FBXL7: variants seen among roughly 807,000 people sequenced by gnomAD.
FBXL7 encodes F-box/LRR-repeat protein 7.
Under a neutral mutation model 38.3 loss-of-function variants are expected in FBXL7, and 12 were observed. The observed-to-expected ratio is 0.31, with a 90% CI of 0.20 to 0.51. The LOEUF (loss-of-function observed/expected upper bound fraction) is 0.51, where lower values mean the gene tolerates loss of function less well. FBXL7 is among the 20% of genes least tolerant of loss of function. FBXL7 has a pLI of 0.98. For synonymous variants in FBXL7, 297 were observed against 300.9 expected (o/e 0.99, Z 0.13); for missense variants, 567 against 676.4 (o/e 0.84, Z 1.79).
intron 2 of FBXL7, among the ~76,000 whole-genome samples, chr5:15,750,673 T>A (rs1006328394): frequency 2.6e-5 from 4 of 152,138 alleles, no homozygotes; most frequent in Middle Eastern, 3.4e-3. Flanking sequence ...GTCAAAAGGT[T>A]GCTTGTGCAT....
chr5:15,602,451 T>C (rs1343684235), intron 1 of FBXL7: 1 of 152,018 alleles, frequency 6.6e-6, no homozygotes, highest in Non-Finnish European at 1.5e-5. Context: ...TGCAGTTACT[T>C]CTCTTATTTC....
chr5:15,718,317 G>A (rs1468169146), intron 2 of FBXL7, among the ~76,000 whole-genome samples: 4 of 152,086 alleles, frequency 2.6e-5, no homozygotes, highest in Non-Finnish European at 5.9e-5. Flanking sequence ...AGGAGAAAAC[G>A]GCAAATTCCA....
intron 2 of FBXL7, among the ~76,000 whole-genome samples, chr5:15,700,018 A>G (rs545581232): frequency 1.3e-5 from 2 of 152,340 alleles, no homozygotes; most frequent in African/African-American, 2.4e-5. Flanking sequence ...TGCTTAACTC[A>G]TAGCCCATGC....
intron 2 of FBXL7, among the ~76,000 whole-genome samples, chr5:15,625,917 A>G (rs1435658391): frequency 1.3e-5 from 2 of 152,202 alleles, no homozygotes; most frequent in Non-Finnish European, 2.9e-5. Flanking sequence ...AAAGAAAATG[A>G]TGCTGAAGAA....
intron 2 of FBXL7, among the ~76,000 whole-genome samples, chr5:15,794,761 G>A (rs1009298410): frequency 2.6e-5 from 4 of 152,066 alleles, no homozygotes; most frequent in Admixed American, 2.6e-4. Flanking sequence ...ATTGTATGCT[G>A]ACGTTAGTCT....
At position 15,807,270 on chromosome 5, in the gene FBXL7, T is replaced by C. The variant is rs908197031; in HGVS notation, c.128-120620T>C. On this transcript the variant is annotated intron_variant, in intron 2 of 3. Coordinates refer to ENST00000504595, the MANE Select transcript of FBXL7 (RefSeq NM_012304.5). ...TTGCGTTTCTAAACAGTAAGTAAGA[T>C]ATTTTATAATGAGAAACAGTGACCC... 3.9e-5 allele frequency among the ~76,000 whole-genome samples: 6 copies of C among 152,178 alleles called. No individual in the cohort carries two copies. The East Asian group carries it at 1.2e-3, about 29-fold the overall frequency.
chr5:15,707,174 G>GTTTTTTTTTTTTTTTTTTTTTTTT (rs71603796), intron 2 of FBXL7, among the ~76,000 whole-genome samples: 8 of 70,402 alleles, frequency 1.1e-4, no homozygotes, highest in Admixed American at 2.3e-4. Context: ...TTTTCTTTTC[G>GTTTTTTTTTTTTTTTTTTTTTTTT]TTTTTTTTTT....
chr5:15,543,493 A>G (rs1378920225), intron 1 of FBXL7, among the ~76,000 whole-genome samples: 1 of 152,158 alleles, frequency 6.6e-6, no homozygotes, highest in Admixed American at 6.5e-5. Context: ...TGGTTCAACA[A>G]TCATAGATGC....
chr5:15,504,976 G>A (rs1386975517), intron 1 of FBXL7, among the ~76,000 whole-genome samples: 1 of 152,150 alleles, frequency 6.6e-6, no homozygotes, highest in African/African-American at 2.4e-5. Context: ...TTGAATTGGG[G>A]CTGATGAGAG....
At chr5:15,640,984 A>G (rs1396616460) in intron 2 of FBXL7, among the ~76,000 whole-genome samples, 1 of 152,148 alleles carries the variant, frequency 6.6e-6, no homozygotes, top group Non-Finnish European at 1.5e-5. Context: ...CATCTCACAT[A>G]CTAGAGCTGG....
chr5:15,823,295 T>C (rs2126766164), intron 2 of FBXL7, among the ~76,000 whole-genome samples: 1 of 152,342 alleles, frequency 6.6e-6, no homozygotes, highest in Middle Eastern at 3.4e-3. Context: ...AATTCTTTAA[T>C]CATTCCCATA....
rs181084884 is a variant in FBXL7 at position 15,559,792 on chromosome 5, C to T, written c.38-56191C>T. Among the ~76,000 whole-genome samples, 30 of 152,268 alleles carry T rather than the reference C, an allele frequency of 2.0e-4. No individual in the cohort carries two copies. In the East Asian group the frequency reaches 5.2e-3, roughly 26 times the overall value. The stretch of plus-strand genomic sequence containing the variant: ...AAACGCCTGGAGGCATGATTGATTA[C>T]GCATTGATGTTAAGAGTCAGAATCA... On this transcript the variant is annotated intron_variant, in intron 1 of 3. Transcript: ENST00000504595.
intron 2 of FBXL7, among the ~76,000 whole-genome samples, chr5:15,631,360 T>A (rs192608779): frequency 2.6e-5 from 4 of 152,228 alleles, no homozygotes; most frequent in Admixed American, 2.6e-4. Context: ...AGAGCAGCAT[T>A]TCCTTGGTGT....
Position 15,693,416 on chromosome 5 carries a change from C to T in FBXL7, c.127+77344C>T, listed in dbSNP as rs77385854. 5.1e-4 allele frequency among the ~76,000 whole-genome samples: 78 copies of T among 152,244 alleles called. No individual in the cohort carries two copies. In the East Asian group the frequency reaches 0.014, roughly 28 times the overall value. ...GGACAGGATCCATATTCCCTTATTCCCTTGCTTCCTTTTAACTTTCTTTTA... is the reference window on the plus strand; with the variant it reads ...GGACAGGATCCATATTCCCTTATTCTCTTGCTTCCTTTTAACTTTCTTTTA... On this transcript the variant is annotated intron_variant, in intron 2 of 3. Coordinates refer to ENST00000504595, the MANE Select transcript of FBXL7 (RefSeq NM_012304.5).
At chr5:15,654,823 A>G (rs1050404204) in intron 2 of FBXL7, among the ~76,000 whole-genome samples, 1 of 152,202 alleles carries the variant, frequency 6.6e-6, no homozygotes, top group Non-Finnish European at 1.5e-5. Flanking sequence ...AAATTCATGT[A>G]ATAGGATTCT....
chr5:15,873,155 A>G (rs1181103222), intron 2 of FBXL7, among the ~76,000 whole-genome samples: 1 of 152,234 alleles, frequency 6.6e-6, no homozygotes, highest in Admixed American at 6.5e-5. Flanking sequence ...CTACATGGAA[A>G]CTGAACAACC....
chr5:15,540,862 GA>G (rs1258590482), intron 1 of FBXL7, among the ~76,000 whole-genome samples: 1 of 152,070 alleles, frequency 6.6e-6, no homozygotes, highest in Non-Finnish European at 1.5e-5. Context: ...CCACCATCAT[GA>G]GCTAATTACC....
intron 2 of FBXL7, among the ~76,000 whole-genome samples, chr5:15,905,864 G>C (rs114374160): frequency 6.6e-6 from 1 of 151,830 alleles, no homozygotes; most frequent in Non-Finnish European, 1.5e-5. Flanking sequence ...CCTCCTCTTC[G>C]ACCCCAACCC....
intron 2 of FBXL7, among the ~76,000 whole-genome samples, chr5:15,923,218 C>T (rs549990489): frequency 1.3e-5 from 2 of 152,304 alleles, no homozygotes; most frequent in South Asian, 2.1e-4. Flanking sequence ...TTGCCAATGT[C>T]CATTTAGCTG....
Sources: allele counts gnomAD v4.1 joint callset (sites outside exome capture counted in the v4.1 genomes callset), GRCh38; gene constraint gnomAD v4.1.1; transcripts MANE v1.5; gene names NCBI Gene and HGNC (gene_info 2026-07-23, HGNC 2026-07-21).